The following MYO1E variants were observed in gnomAD, a reference collection of about 807,000 sequenced individuals.
MYO1E encodes the protein unconventional myosin-Ie.
Under a neutral mutation model 151.1 loss-of-function variants are expected in MYO1E, and 68 were observed. That is an observed-to-expected ratio of 0.45 (90% CI 0.37 to 0.55). The LOEUF (loss-of-function observed/expected upper bound fraction) is 0.55, where lower values mean the gene tolerates loss of function less well. Among genes scored for constraint, MYO1E ranks in the 20% least tolerant of loss-of-function variants. The pLI, the probability that MYO1E is intolerant of heterozygous loss-of-function variation, is 0.00. For synonymous variants in MYO1E, 601 were observed against 501.7 expected (o/e 1.20, Z -2.64); for missense variants, 1,363 against 1,389.3 (o/e 0.98, Z 0.30).
At chr15:59,149,048 T>TTTTTG (rs1555406885) in intron 26 of MYO1E, among the ~76,000 whole-genome samples, 11 of 59,660 alleles carry the variant, frequency 1.8e-4, no homozygotes, top group African/African-American at 5.7e-4. Flanking sequence ...GTTTTTTTTT[T>TTTTTG]TTTGTTTTTT....
chr15:59,277,560 A>ACAACAACAAC (rs1365243339), intron 1 of MYO1E, among the ~76,000 whole-genome samples: 61,897 of 126,438 alleles, frequency 0.49, 15,862 homozygotes, highest in Non-Finnish European at 0.61. Flanking sequence ...AAAAAAAAAA[A>ACAACAACAAC]AAAAAAAAAA....
At chr15:59,148,004 A>C (rs1161419696) in intron 26 of MYO1E, among the ~76,000 whole-genome samples, 1 of 152,224 alleles carries the variant, frequency 6.6e-6, no homozygotes, top group South Asian at 2.1e-4. Context: ...AGAGCATTAA[A>C]ATTTCCTTGC....
intron 1 of MYO1E, among the ~76,000 whole-genome samples, chr15:59,313,924 C>A (rs754099056): frequency 3.3e-5 from 5 of 152,192 alleles, no homozygotes; most frequent in Admixed American, 6.5e-5. Flanking sequence ...TGAGAGAGAC[C>A]ATAATGGCTG....
chr15:59,132,650 T>C lies in MYO1E; in HGVS notation c.*4730A>G, dbSNP rs191496836. On this transcript the variant is annotated 3_prime_UTR_variant, in exon 28 of 28. Coordinates refer to ENST00000288235, the MANE Select transcript of MYO1E (RefSeq NM_004998.4). ...AAAATGAGATGATGTATCCATAGTA[T>C]AGAAGAGCACTAACTCTGAACGTGG... is the stretch of plus-strand genomic sequence containing the variant. 3 of 152,254 alleles carry C rather than the reference T, an allele frequency of 2.0e-5. No individual in the cohort carries two copies. Among genetic ancestry groups the C allele is most frequent in the Admixed American group, 2.0e-4 (3 of 15,282 alleles). The allele number at this position is 152,254 out of a possible 1,614,324, so 9.4% of individuals were successfully genotyped here.
intron 1 of MYO1E, among the ~76,000 whole-genome samples, chr15:59,302,680 T>TC (rs2080490106): frequency 6.6e-6 from 1 of 152,220 alleles, no homozygotes; most frequent in African/African-American, 2.4e-5. Flanking sequence ...CCAGAGTCCA[T>TC]CTAACACAGT....
intron 1 of MYO1E, among the ~76,000 whole-genome samples, chr15:59,307,970 A>C (rs2080524953): frequency 6.7e-6 from 1 of 150,312 alleles, no homozygotes; most frequent in South Asian, 2.1e-4. Flanking sequence ...TAATCCCAGC[A>C]CTTGGGGAGG....
At chr15:59,186,476 C>T (rs899201205) in intron 18 of MYO1E, among the ~76,000 whole-genome samples, 7 of 152,004 alleles carry the variant, frequency 4.6e-5, no homozygotes, top group Non-Finnish European at 2.9e-5. Context: ...GATTAAAATG[C>T]TCAGTTTGAC....
At chr15:59,354,196 A>C (rs1317547198) in intron 1 of MYO1E, among the ~76,000 whole-genome samples, 3 of 152,236 alleles carry the variant, frequency 2.0e-5, no homozygotes, top group Non-Finnish European at 4.4e-5. Flanking sequence ...GGGGAGCAGA[A>C]TAAACAAAAC....
intron 1 of MYO1E, among the ~76,000 whole-genome samples, chr15:59,372,204 C>A (rs545574773): frequency 6.6e-6 from 1 of 152,180 alleles, no homozygotes; most frequent in South Asian, 2.1e-4. Flanking sequence ...CCCCTCGCAG[C>A]CGATGCGCCC....
At chr15:59,353,356 C>CAA (rs1205997737) in intron 1 of MYO1E, among the ~76,000 whole-genome samples, 14 of 57,544 alleles carry the variant, frequency 2.4e-4, no homozygotes, top group African/African-American at 8.4e-4. Flanking sequence ...GACCCTGTCT[C>CAA]AAAAAAAAAA....
At chr15:59,321,368 C>T (rs113558952) in intron 1 of MYO1E, among the ~76,000 whole-genome samples, 1,909 of 152,256 alleles carry the variant, frequency 0.013, 18 homozygotes, top group African/African-American at 0.025. Flanking sequence ...TCTACCAAAA[C>T]GACACATGTA....
intron 18 of MYO1E, among the ~76,000 whole-genome samples, chr15:59,183,886 C>T (rs866278608): frequency 1.1e-4 from 17 of 152,108 alleles, no homozygotes; most frequent in African/African-American, 3.1e-4. Flanking sequence ...TCTTGATGAG[C>T]TCAATTATTT....
intron 7 of MYO1E, among the ~76,000 whole-genome samples, chr15:59,225,548 A>G (rs1190334766): frequency 6.6e-6 from 1 of 151,716 alleles, no homozygotes; most frequent in Admixed American, 6.6e-5. Context: ...CCGATCCTAC[A>G]TATCTAGAAA....
At chr15:59,237,248 G>C (rs1324213403) in intron 4 of MYO1E, among the ~76,000 whole-genome samples, 3 of 152,072 alleles carry the variant, frequency 2.0e-5, no homozygotes, top group Non-Finnish European at 4.4e-5. Context: ...AAAAAGAAAA[G>C]AAAAAGTGGG....
At chr15:59,335,840 G>A (rs186209216) in intron 1 of MYO1E, among the ~76,000 whole-genome samples, 4 of 152,228 alleles carry the variant, frequency 2.6e-5, no homozygotes, top group African/African-American at 7.2e-5. Flanking sequence ...CTGAAGCCAT[G>A]TGTGGCCCTG....
At chr15:59,321,803 G>C (rs2080627949) in intron 1 of MYO1E, among the ~76,000 whole-genome samples, 3 of 151,698 alleles carry the variant, frequency 2.0e-5, no homozygotes, top group Non-Finnish European at 1.5e-5. Context: ...CTTGAGCCCA[G>C]GAGGTTGAGC....
intron 1 of MYO1E, among the ~76,000 whole-genome samples, chr15:59,348,263 A>C (rs1192244808): frequency 6.6e-6 from 1 of 152,294 alleles, no homozygotes; most frequent in East Asian, 1.9e-4. Context: ...CTAGTTTCCT[A>C]TTTATTCAAG....
intron 1 of MYO1E, among the ~76,000 whole-genome samples, chr15:59,361,995 C>T (rs1398116940): frequency 1.3e-5 from 2 of 152,098 alleles, no homozygotes; most frequent in Non-Finnish European, 2.9e-5. Flanking sequence ...TACCACCACG[C>T]CAGGCTAATT....
rs2079591403 is a variant in MYO1E, at chr15:59,171,169, T to C, written c.2480+728A>G. On this transcript the variant is annotated intron_variant, in intron 22 of 27. Coordinates refer to ENST00000288235, the MANE Select transcript of MYO1E (RefSeq NM_004998.4). ...ACCATGGGAGGACTTCGGGAGGACT[T>C]AGCATGGGAGGACTCCTAGTCTGGG... 5 of 155,938 alleles carry C rather than the reference T, an allele frequency of 3.2e-5. No individual in the cohort carries two copies. In the Admixed American group the frequency reaches 3.3e-4, roughly 10 times the overall value. The allele number at this position is 155,938 out of a possible 1,614,324, so 9.7% of individuals were successfully genotyped here.
Sources: gnomAD v4.1 joint callset for allele counts (sites outside exome capture counted in the v4.1 genomes callset) on GRCh38, gnomAD v4.1.1 for gene constraint, MANE v1.5 for transcripts, NCBI Gene and HGNC (gene_info 2026-07-23, HGNC 2026-07-21) for gene names.